RBKS: variants seen among roughly 807,000 people sequenced by gnomAD.
RBKS encodes ribokinase.
RBKS carries 33 observed loss-of-function variants against 33.9 expected under a neutral mutation model. The observed-to-expected ratio is 0.97, with a 90% CI of 0.74 to 1.30. The LOEUF is 1.30. Among genes scored for constraint, RBKS ranks in the 50% most tolerant of loss-of-function variants. The probability of loss-of-function intolerance (pLI) is 0.00; values close to 1 mark genes in which losing one functional copy is unlikely to be tolerated. For synonymous variants in RBKS, 125 were observed against 143.0 expected (o/e 0.87, Z 0.90); for missense variants, 361 against 392.6 (o/e 0.92, Z 0.68).
rs1034277984 is a variant in RBKS at position 27,875,833 on chromosome 2, A to G, written c.89+14424T>C. Among the ~76,000 whole-genome samples the G allele has an allele frequency of 4.6e-5, 7 of 152,312 alleles. No individual in the cohort carries two copies. In the South Asian group the frequency reaches 1.2e-3, roughly 27 times the overall value. On this transcript the variant is annotated intron_variant, in intron 1 of 7. Coordinates refer to ENST00000302188, the MANE Select transcript of RBKS (RefSeq NM_022128.3). The stretch of plus-strand genomic sequence containing the variant: ...TTTACTGAGCTCCTTGCCTGTACAG[A>G]CACATTTTTCCTCTTGCACAAACGT...
rs1355687839 is a variant in RBKS at position 27,858,431 on chromosome 2, G to C, written c.222+8C>G. 3 of 1,609,048 alleles carry C rather than the reference G, an allele frequency of 1.9e-6. No individual in the cohort carries two copies. Among genetic ancestry groups the C allele is most frequent in the South Asian group, 2.2e-5 (2 of 90,746 alleles). On this transcript the variant is annotated splice_region_variant and intron_variant, in intron 2 of 7. Transcript: ENST00000302188. ...TCTAGAGTCCTCTCCACTATACTTTGTACTTACCTTACACACCATGGACGT... is the reference window on the plus strand; with the variant it reads ...TCTAGAGTCCTCTCCACTATACTTTCTACTTACCTTACACACCATGGACGT...
chr2:27,869,710 C>T (rs1664164648), intron 1 of RBKS: 1 of 185,406 alleles, frequency 5.4e-6, no homozygotes, highest in Non-Finnish European at 1.1e-5. Flanking sequence ...TCAGTAGGAG[C>T]CCTGAGCTTG....
chr2:27,838,911 GAGGCC>G (rs1486141233), intron 5 of RBKS, among the ~76,000 whole-genome samples: 1 of 152,224 alleles, frequency 6.6e-6, no homozygotes, highest in Non-Finnish European at 1.5e-5. Flanking sequence ...AGGAACTGGT[GAGGCC>G]TGGAGGAGCA....
chr2:27,784,824 C>T (rs1283323013), intron 7 of RBKS, among the ~76,000 whole-genome samples: 1 of 152,130 alleles, frequency 6.6e-6, no homozygotes, highest in Non-Finnish European at 1.5e-5. Flanking sequence ...GTGTTAGGCC[C>T]TATGCTAGGT....
intron 7 of RBKS, among the ~76,000 whole-genome samples, chr2:27,804,025 G>A (rs1677851275): frequency 1.3e-5 from 2 of 152,202 alleles, no homozygotes; most frequent in South Asian, 4.1e-4. Flanking sequence ...CTGGGCGACA[G>A]AGCAATACTC....
intron 7 of RBKS, among the ~76,000 whole-genome samples, chr2:27,808,060 T>C (rs920828022): frequency 4.6e-5 from 7 of 152,230 alleles, no homozygotes; most frequent in African/African-American, 1.7e-4. Context: ...TTCTCTTGAA[T>C]TATGTATTTC....
At chr2:27,793,716 CTG>C (rs1264816006) in intron 7 of RBKS, among the ~76,000 whole-genome samples, 2 of 152,128 alleles carry the variant, frequency 1.3e-5, no homozygotes, top group African/African-American at 4.8e-5. Context: ...CATTACAGGA[CTG>C]TACATATAAG....
intron 1 of RBKS, among the ~76,000 whole-genome samples, chr2:27,871,538 C>T (rs977738319): frequency 5.3e-5 from 8 of 151,870 alleles, no homozygotes; most frequent in South Asian, 2.1e-4. Flanking sequence ...TCTCCAGTGA[C>T]GTTTATTTTT....
intron 7 of RBKS, among the ~76,000 whole-genome samples, chr2:27,807,033 C>T (rs1369926978): frequency 6.6e-6 from 1 of 152,318 alleles, no homozygotes; most frequent in Non-Finnish European, 1.5e-5. Context: ...GGGAACTCCA[C>T]CATTGGCCAA....
chr2:27,862,011 A>G (rs1663999587), intron 1 of RBKS, among the ~76,000 whole-genome samples: 1 of 148,954 alleles, frequency 6.7e-6, no homozygotes. Context: ...AGTGGAACAC[A>G]AAAATGGCTC....
intron 1 of RBKS, among the ~76,000 whole-genome samples, chr2:27,861,948 T>A (rs1292722819): frequency 9.8e-6 from 1 of 102,476 alleles, no homozygotes; most frequent in Admixed American, 9.2e-5. Context: ...CCTGGCCTGA[T>A]TTTTTTTTTT....
At chr2:27,858,742 T>A (rs750704633) in intron 1 of RBKS, among the ~76,000 whole-genome samples, 171 bp from the exon 2 acceptor site, 1 of 152,184 alleles carries the variant, frequency 6.6e-6, no homozygotes, top group East Asian at 1.9e-4. Flanking sequence ...ATTTAGTAGT[T>A]TGCATCATTA....
intron 7 of RBKS, among the ~76,000 whole-genome samples, chr2:27,801,986 ATATATATTTTTTTTTT>A (rs1558536525): frequency 1.5e-4 from 14 of 92,788 alleles, no homozygotes; most frequent in African/African-American, 6.3e-4. Context: ...ATATATATAT[ATATATATTTTTTTTTT>A]TTTTTTTTTT....
At chr2:27,877,698 C>T (rs1326918513) in intron 1 of RBKS, among the ~76,000 whole-genome samples, 2 of 152,134 alleles carry the variant, frequency 1.3e-5, no homozygotes, top group Non-Finnish European at 2.9e-5. Flanking sequence ...ATTAGTGTTT[C>T]CTTATAAAAG....
intron 5 of RBKS, among the ~76,000 whole-genome samples, chr2:27,835,276 CAAA>C (rs35739589): frequency 2.6e-5 from 3 of 115,772 alleles, no homozygotes; most frequent in African/African-American, 3.0e-5. Flanking sequence ...AACTCTGTCT[CAAA>C]AAAAAAAAAA....
chr2:27,810,046 CTG>C lies in RBKS; in HGVS notation c.795+17519_795+17520del. On this transcript the variant is annotated intron_variant, in intron 7 of 7. Coordinates refer to ENST00000302188, the MANE Select transcript of RBKS (RefSeq NM_022128.3). The surrounding 1 kb of genome is among the most constrained non-coding windows in gnomAD (Gnocchi z 4.4). ...TCTTGGGTCTTGAGCCAGGTCTACA[CTG>C]TGAAAATGAAGGAAGGAACTGAGCA... 2 of 1,304,238 alleles carry C rather than the reference CTG, an allele frequency of 1.5e-6. No homozygotes were observed. Among genetic ancestry groups the C allele is most frequent in the Non-Finnish European group, 2.0e-6 (2 of 988,962 alleles). 80.8% of individuals were successfully genotyped at this position (1,304,238 alleles called of 1,614,324 possible). A position where few individuals can be genotyped will look rare whatever the true frequency, so the allele number is the denominator to read the frequency against.
chr2:27,800,570 G>A (rs1677757376), intron 7 of RBKS, among the ~76,000 whole-genome samples: 1 of 152,146 alleles, frequency 6.6e-6, no homozygotes, highest in African/African-American at 2.4e-5. Flanking sequence ...GACAAAGATG[G>A]TATTATCTCA....
At chr2:27,787,559 C>T (rs1677428657) in intron 7 of RBKS, among the ~76,000 whole-genome samples, 1 of 152,174 alleles carries the variant, frequency 6.6e-6, no homozygotes, top group Non-Finnish European at 1.5e-5. Context: ...TGTGCCTGGC[C>T]TACACACTGT....
At chr2:27,832,800 GT>G in intron 5 of RBKS, 23 bp from the exon 6 acceptor site, 1 of 1,409,876 alleles carries the variant, frequency 7.1e-7, no homozygotes, top group Non-Finnish European at 1.0e-6. Flanking sequence ...GGAAAAGGGG[GT>G]TATTATTAGT....
Sources: gnomAD v4.1 joint callset for allele counts (sites outside exome capture counted in the v4.1 genomes callset) on GRCh38, gnomAD v4.1.1 for gene constraint, Gnocchi (gnomAD v3.1) non-coding constraint, MANE v1.5 for transcripts, NCBI Gene and HGNC (gene_info 2026-07-23, HGNC 2026-07-21) for gene names.